The following MTPAP variants were observed in gnomAD, a reference collection of about 807,000 sequenced individuals.
MTPAP encodes poly(A) RNA polymerase, mitochondrial.
A neutral mutation model predicts 48.7 loss-of-function variants in MTPAP; 23 were observed. The ratio of observed to expected loss-of-function variants is 0.47; its 90% CI spans 0.34 to 0.67. The LOEUF (loss-of-function observed/expected upper bound fraction) is 0.67, where lower values mean the gene tolerates loss of function less well. Ranked by LOEUF, MTPAP falls within the 30% of genes least tolerant of loss-of-function variation. The pLI, the probability that MTPAP is intolerant of heterozygous loss-of-function variation, is 0.01. For synonymous variants in MTPAP, 257 were observed against 254.1 expected (o/e 1.01, Z -0.11); for missense variants, 614 against 694.3 (o/e 0.88, Z 1.30).
At chr10:30,326,793 A>G (rs1834603530) in intron 4 of MTPAP, among the ~76,000 whole-genome samples, 158 bp from the exon 5 acceptor site, 1 of 152,244 alleles carries the variant, frequency 6.6e-6, no homozygotes, top group Non-Finnish European at 1.5e-5. Flanking sequence ...AATCACAGCC[A>G]AAAGCAAACT....
chr10:30,334,532 G>A (rs1034221474), intron 4 of MTPAP, among the ~76,000 whole-genome samples: 66 of 152,128 alleles, frequency 4.3e-4, no homozygotes, highest in African/African-American at 1.5e-3. Context: ...GTGGTGGGGC[G>A]TGCCTGAAGT....
At chr10:30,327,846 A>G (rs1428212060) in intron 4 of MTPAP, among the ~76,000 whole-genome samples, 1 of 113,568 alleles carries the variant, frequency 8.8e-6, no homozygotes, top group Non-Finnish European at 2.0e-5. Flanking sequence ...ACTCCATCTC[A>G]AAAAAAAAAA....
intron 4 of MTPAP, among the ~76,000 whole-genome samples, chr10:30,328,393 C>G (rs1834624563): frequency 6.6e-6 from 1 of 152,176 alleles, no homozygotes; most frequent in Admixed American, 6.5e-5. Context: ...TTGTCCGTAT[C>G]TACTGAAACT....
intron 2 of MTPAP, 77 bp from the exon 3 acceptor site, chr10:30,340,527 A>G (rs1382841613): frequency 2.0e-6 from 2 of 1,025,636 alleles, no homozygotes; most frequent in Non-Finnish European, 3.1e-6. Context: ...ATATATTAAA[A>G]CAATTATCAT....
chr10:30,344,442 T>C (rs559722204), intron 1 of MTPAP, among the ~76,000 whole-genome samples: 1 of 152,298 alleles, frequency 6.6e-6, no homozygotes, highest in African/African-American at 2.4e-5. Context: ...ATGTAATTCA[T>C]AGTGTTATAT....
rs1444773518 is a variant in MTPAP at position 30,312,711 on chromosome 10, A to G, written c.*898T>C. On this transcript the variant is annotated 3_prime_UTR_variant, in exon 9 of 9. Transcript: ENST00000263063. ...GTTCAGTGTGTGCAGATCTGGGTGT[A>G]CGTGGATGGTCCTGGAACCAATTTT... is the stretch of plus-strand genomic sequence containing the variant. 1 of 151,594 alleles carries G rather than the reference A, an allele frequency of 6.6e-6. No individual in the cohort carries two copies. The highest frequency in any genetic ancestry group is 1.5e-5 in the Non-Finnish European group (1 of 67,862). The allele number at this position is 151,594 out of a possible 1,614,324, so 9.4% of individuals were successfully genotyped here.
In MTPAP at chr10:30,326,654, T is replaced by C. The variant is rs1476439940; in HGVS notation, c.781-19A>G. ...CTGAGATCTGAAAAATAAACACATT[T>C]CTAAATAGGAGCTTTTGGTAAAAAA... On this transcript the variant is annotated intron_variant, in intron 4 of 8. Coordinates refer to ENST00000263063, the MANE Select transcript of MTPAP (RefSeq NM_018109.4). 1 of 1,586,116 alleles carries C rather than the reference T, an allele frequency of 6.3e-7. No homozygotes were observed. The highest frequency in any genetic ancestry group is 1.3e-5 in the African/African-American group (1 of 74,398).
chr10:30,324,828 CCT>C (rs916536898), intron 5 of MTPAP, among the ~76,000 whole-genome samples: 6 of 151,948 alleles, frequency 3.9e-5, no homozygotes, highest in African/African-American at 1.4e-4. Context: ...ATGATGAAAC[CCT>C]GTCTCTACAA....
At chr10:30,314,083 C>T (rs1378270913) in intron 8 of MTPAP, 112 bp from the exon 9 acceptor site, 33 of 1,212,996 alleles carry the variant, frequency 2.7e-5, no homozygotes, top group Non-Finnish European at 2.4e-6. Context: ...ATTAACTTTA[C>T]ATAGCAAAGA....
chr10:30,325,329 A>G (rs1834572132), intron 5 of MTPAP, among the ~76,000 whole-genome samples: 1 of 152,266 alleles, frequency 6.6e-6, no homozygotes, highest in Non-Finnish European at 1.5e-5. Context: ...GAGTTTAATC[A>G]AAACTGCTCT....
intron 4 of MTPAP, among the ~76,000 whole-genome samples, chr10:30,330,596 T>C (rs1003420612): frequency 7.2e-5 from 11 of 152,314 alleles, no homozygotes; most frequent in African/African-American, 1.9e-4. Flanking sequence ...TTAATGGAAC[T>C]GGGCGCAGGA....
intron 6 of MTPAP, among the ~76,000 whole-genome samples, chr10:30,317,408 T>C (rs1381560137): frequency 6.6e-6 from 1 of 152,238 alleles, no homozygotes; most frequent in Non-Finnish European, 1.5e-5. Flanking sequence ...CTAGACTAAC[T>C]GGAATTCAGT....
At chr10:30,320,021 G>A (rs1840703162) in intron 6 of MTPAP, among the ~76,000 whole-genome samples, 1 of 152,190 alleles carries the variant, frequency 6.6e-6, no homozygotes, top group African/African-American at 2.4e-5. Context: ...AGCACTTGGG[G>A]AGGCTGAGAA....
Position 30,340,227 on chromosome 10 carries a change from C to G in MTPAP, c.554G>C (p.Ser185Thr). 1 of 1,611,816 alleles carries G rather than the reference C, an allele frequency of 6.2e-7. No individual in the cohort carries two copies. The highest frequency in any genetic ancestry group is 8.5e-7 in the Non-Finnish European group (1 of 1,177,870). Residue 185 changes from serine to threonine, a missense_variant and splice_region_variant, in exon 3 of 9, where the codon AGT (serine) becomes ACT (threonine). By Grantham distance (58) the Ser-to-Thr change is moderately conservative. Transcript: ENST00000263063. Reference sequence around the variant, plus strand: ...GTTGAGGTACACCTAAAAACTTACACTTTCTGCATAACAAAGTAATTCAAA... The same window carrying G: ...GTTGAGGTACACCTAAAAACTTACAGTTTCTGCATAACAAAGTAATTCAAA... ...QLFELLCYAE[S>T]IDDQLNTLLK...
In MTPAP at chr10:30,341,628, T is replaced by C. The variant is rs1000727213; in HGVS notation, c.170A>G (p.Lys57Arg). The change falls in exon 2 of 9, where the codon AAG (lysine) becomes AGG (arginine). Residue 57 changes from lysine to arginine, a missense_variant. By Grantham distance (26) the Lys-to-Arg change is conservative. Transcript: ENST00000263063. ...SGSVETGFEDKIPKRRFSEMQ... is the reference protein window; with the variant it reads ...SGSVETGFEDRIPKRRFSEMQ... ...CTCAGAGAATCTCCTTTTGGGAATC[T>C]TGTCTTCAAAGCCTATGAACGAGAC... The C allele has an allele frequency of 1.2e-6, 2 of 1,613,952 alleles. No individual in the cohort carries two copies. The highest frequency in any genetic ancestry group is 1.7e-6 in the Non-Finnish European group (2 of 1,180,014).
At chr10:30,322,962 T>C (rs1185529201) in intron 5 of MTPAP, among the ~76,000 whole-genome samples, 2 of 151,060 alleles carry the variant, frequency 1.3e-5, no homozygotes, top group East Asian at 3.9e-4. Flanking sequence ...ACCCCTTCTC[T>C]ACTAAAAATA....
intron 1 of MTPAP, among the ~76,000 whole-genome samples, chr10:30,348,476 T>A (rs1834896383): frequency 1.3e-5 from 2 of 152,216 alleles, no homozygotes; most frequent in African/African-American, 4.8e-5. Flanking sequence ...GTAAATAGAA[T>A]ACACAAGCTC....
intron 1 of MTPAP, among the ~76,000 whole-genome samples, chr10:30,346,618 T>C (rs914286627): frequency 6.6e-6 from 1 of 152,206 alleles, no homozygotes; most frequent in African/African-American, 2.4e-5. Flanking sequence ...CAAAGTCAAA[T>C]ACCTAATAAG....
At chr10:30,325,902 T>C (rs891018386) in intron 5 of MTPAP, among the ~76,000 whole-genome samples, 15 of 151,880 alleles carry the variant, frequency 9.9e-5, no homozygotes, top group African/African-American at 2.4e-4. Context: ...ACAAAAGCCA[T>C]CCGGTCTTAA....
Sources: gnomAD v4.1 joint callset for allele counts (sites outside exome capture counted in the v4.1 genomes callset) on GRCh38, gnomAD v4.1.1 for gene constraint, MANE v1.5 for transcripts, NCBI Gene and HGNC (gene_info 2026-07-23, HGNC 2026-07-21) for gene names.